JHY: variants seen among roughly 807,000 people sequenced by gnomAD.
JHY encodes jhy protein homolog.
In JHY, 69 loss-of-function variants were observed where a neutral mutation model predicts 78.0. The observed-to-expected ratio is 0.88, with a 90% CI of 0.73 to 1.08. The LOEUF (loss-of-function observed/expected upper bound fraction) is 1.08. Ranked by LOEUF, JHY falls within the 50% of genes least tolerant of loss-of-function variation. The pLI, the probability that JHY is intolerant of heterozygous loss-of-function variation, is 0.00. For synonymous variants in JHY, 368 were observed against 342.6 expected (o/e 1.07, Z -0.82); for missense variants, 944 against 927.8 (o/e 1.02, Z -0.23).
rs146586096 is a variant in JHY, at chr11:122,916,037, G to A, written c.865-8860G>A. ...GTTACCAGAGGCTGGGAAGGGTCTC[G>A]GGGGTAGGGAAGATGAAGAGAGGTT... On this transcript the variant is annotated intron_variant, in intron 3 of 8. Transcript: ENST00000227349. Among the ~76,000 whole-genome samples, 8 of 152,116 alleles carry A rather than the reference G, an allele frequency of 5.3e-5. No individual in the cohort carries two copies. The East Asian group carries it at 5.8e-4, about 11-fold the overall frequency.
chr11:122,937,242 C>CTTTTTTTTTTTTT (rs11353255), intron 5 of JHY, among the ~76,000 whole-genome samples: 1 of 137,668 alleles, frequency 7.3e-6, no homozygotes, highest in Non-Finnish European at 1.6e-5. Flanking sequence ...CTTTTCATTT[C>CTTTTTTTTTTTTT]TTTTTTTTTT....
At chr11:122,895,462 GATTGAATACAAT>G (rs1862719676) in intron 2 of JHY, among the ~76,000 whole-genome samples, 1 of 152,136 alleles carries the variant, frequency 6.6e-6, no homozygotes, top group Admixed American at 6.6e-5. Context: ...GTAATTTTTT[GATTGAATACAAT>G]ATTGAATATG....
chr11:122,908,520 T>C (rs769082631), intron 3 of JHY, among the ~76,000 whole-genome samples: 9 of 152,204 alleles, frequency 5.9e-5, no homozygotes, highest in Non-Finnish European at 1.0e-4. Context: ...GACCTCACTT[T>C]GATGAGCAAG....
intron 1 of JHY, among the ~76,000 whole-genome samples, chr11:122,884,070 A>C (rs1862442722): frequency 6.6e-6 from 1 of 152,248 alleles, no homozygotes; most frequent in Admixed American, 6.5e-5. Flanking sequence ...TAAAATAATA[A>C]GGCAGAATGC....
At chr11:122,905,686 G>A in intron 3 of JHY, 1 of 698,100 alleles carries the variant, frequency 1.4e-6, no homozygotes, top group Non-Finnish European at 1.8e-6. Context: ...TGGCCAACAT[G>A]GTGAAACCCA....
intron 6 of JHY, chr11:122,947,648 T>C (rs1863993786): frequency 6.6e-6 from 1 of 152,176 alleles, no homozygotes; most frequent in Non-Finnish European, 1.5e-5. Context: ...AAAGGCCTGG[T>C]TGAAAGCAAT....
chr11:122,939,997 G>A (rs571542014), intron 5 of JHY, among the ~76,000 whole-genome samples: 1 of 148,708 alleles, frequency 6.7e-6, no homozygotes. Flanking sequence ...CCAGTATTCA[G>A]TGTTCATACA....
chr11:122,916,589 C>A (rs1298461894), intron 3 of JHY, among the ~76,000 whole-genome samples: 2 of 152,066 alleles, frequency 1.3e-5, no homozygotes, highest in Non-Finnish European at 2.9e-5. Flanking sequence ...AATTTAAGAA[C>A]ATAATTTCTA....
intron 5 of JHY, among the ~76,000 whole-genome samples, chr11:122,939,549 A>G (rs1863829285): frequency 6.6e-6 from 1 of 152,010 alleles, no homozygotes; most frequent in Non-Finnish European, 1.5e-5. Context: ...TCGTGGGTTG[A>G]TGTCTTTTAA....
At chr11:122,958,558 C>T (rs1052987585) in intron 8 of JHY, 12 of 218,400 alleles carry the variant, frequency 5.5e-5, no homozygotes, top group East Asian at 1.9e-4. Flanking sequence ...GTTTTTTTTT[C>T]CCCTTGCAGG....
intron 3 of JHY, among the ~76,000 whole-genome samples, chr11:122,912,411 G>A (rs1027878696): frequency 6.6e-6 from 1 of 152,104 alleles, no homozygotes. Flanking sequence ...GCAAGATCTA[G>A]AGGAAGAGCT....
intron 4 of JHY, among the ~76,000 whole-genome samples, chr11:122,929,290 T>C (rs77245514): frequency 0.082 from 12,480 of 151,830 alleles, 556 homozygotes; most frequent in African/African-American, 0.09. Context: ...TTCAACACTT[T>C]AGTGGGAATC....
chr11:122,957,478 TC>T lies in JHY; in HGVS notation c.2129del (p.Pro710LeufsTer20), dbSNP rs1864217194. 2.0e-6 allele frequency: 3 copies of T among 1,533,372 alleles called. No homozygotes were observed. The highest frequency in any genetic ancestry group is 1.7e-6 in the Non-Finnish European group (2 of 1,152,382). The allele number at this position is 1,533,372 out of a possible 1,614,324, so 95.0% of individuals were successfully genotyped here. On this transcript the variant is annotated frameshift_variant, in exon 8 of 9. Coordinates refer to ENST00000227349, the MANE Select transcript of JHY (RefSeq NM_024806.4). LOFTEE classifies it high-confidence loss of function. ...QTEKTQKKSA[I>X]PRQKALEYAK... Reference sequence around the variant, plus strand: ...GAAAAAACTCAAAAGAAATCTGCTATCCCTCGGCAGAAGGTAAGAAATTCTC... The same window carrying T: ...GAAAAAACTCAAAAGAAATCTGCTATCCTCGGCAGAAGGTAAGAAATTCTC...
intron 8 of JHY, chr11:122,958,698 G>A: frequency 1.3e-5 from 13 of 980,300 alleles, no homozygotes; most frequent in Non-Finnish European, 1.6e-5. Context: ...TTTCAGAACT[G>A]ACATCACTGA....
intron 2 of JHY, among the ~76,000 whole-genome samples, chr11:122,897,742 T>C (rs3107620): frequency 0.96 from 145,589 of 152,266 alleles, 69,651 homozygotes; most frequent in Middle Eastern, 0.99. Context: ...TTACATGTGA[T>C]GGAAGGAGGT....
chr11:122,943,981 G>A (rs1863919486), intron 5 of JHY, among the ~76,000 whole-genome samples: 1 of 152,132 alleles, frequency 6.6e-6, no homozygotes, highest in Non-Finnish European at 1.5e-5. Flanking sequence ...TGAGAAGGGA[G>A]GATTGCTTGA....
At chr11:122,907,638 A>G (rs1159991724) in intron 3 of JHY, among the ~76,000 whole-genome samples, 1 of 151,990 alleles carries the variant, frequency 6.6e-6, no homozygotes, top group African/African-American at 2.4e-5. Flanking sequence ...TGAAGTTGGG[A>G]GTTCGAGACC....
chr11:122,941,277 T>C (rs1036754309), intron 5 of JHY, among the ~76,000 whole-genome samples: 1 of 152,194 alleles, frequency 6.6e-6, no homozygotes, highest in Non-Finnish European at 1.5e-5. Flanking sequence ...CTTTCTATAA[T>C]TATGCCTATG....
chr11:122,904,379 A>C lies in JHY; in HGVS notation c.799A>C (p.Thr267Pro), dbSNP rs1862940611. Reference protein sequence around the residue: ...EKNKLTLGLPTPKTDSYLQLH... With the variant: ...EKNKLTLGLPPPKTDSYLQLH... ...AAACAAGCTCACTTTGGGATTACCCACCCCGAAAACGGACTCTTATCTTCA... is the reference window on the plus strand; with the variant it reads ...AAACAAGCTCACTTTGGGATTACCCCCCCCGAAAACGGACTCTTATCTTCA... Residue 267 changes from threonine to proline, a missense_variant, in exon 3 of 9, where the codon ACC becomes CCC. Coordinates refer to ENST00000227349, the MANE Select transcript of JHY (RefSeq NM_024806.4). 1 of 1,613,956 alleles carries C rather than the reference A, an allele frequency of 6.2e-7. No individual in the cohort carries two copies. Among genetic ancestry groups the C allele is most frequent in the African/African-American group, 1.3e-5 (1 of 74,894 alleles).
Sources: gnomAD v4.1 joint callset for allele counts (sites outside exome capture counted in the v4.1 genomes callset) on GRCh38, gnomAD v4.1.1 for gene constraint, MANE v1.5 for transcripts, NCBI Gene and HGNC (gene_info 2026-07-23, HGNC 2026-07-21) for gene names.